DLGAP2: variants seen among roughly 807,000 people sequenced by gnomAD.
DLGAP2 encodes DLG associated protein 2, also known as disks large-associated protein 2.
Under a neutral mutation model 100.3 loss-of-function variants are expected in DLGAP2, and 26 were observed. The ratio of observed to expected loss-of-function variants is 0.26; its 90% CI spans 0.19 to 0.36. DLGAP2 has a LOEUF of 0.36. DLGAP2 is among the 10% of genes least tolerant of loss of function. DLGAP2 has a pLI of 1.00. For missense variants in DLGAP2, 1,858 were observed against 1,453.2 expected (o/e 1.28, Z -4.53); for synonymous variants, 886 against 630.1 (o/e 1.41, Z -6.08).
At chr8:1,502,972 A>G (rs1799775362) in intron 4 of DLGAP2, among the ~76,000 whole-genome samples, 1 of 152,148 alleles carries the variant, frequency 6.6e-6, no homozygotes, top group Non-Finnish European at 1.5e-5. Flanking sequence ...ACAAGAGTGC[A>G]GGAGTCACTC....
intron 3 of DLGAP2, among the ~76,000 whole-genome samples, chr8:1,391,883 G>A (rs537498551): frequency 1.3e-5 from 2 of 152,350 alleles, no homozygotes; most frequent in South Asian, 2.1e-4. Context: ...CCTCCTGAAC[G>A]CTTGTGCGTC....
chr8:766,401 T>C (rs982134058), intron 1 of DLGAP2, among the ~76,000 whole-genome samples: 2 of 152,202 alleles, frequency 1.3e-5, no homozygotes, highest in Non-Finnish European at 2.9e-5. Flanking sequence ...CCTTCCTCTA[T>C]GTGAGCTGCA....
intron 8 of DLGAP2, among the ~76,000 whole-genome samples, chr8:1,666,453 A>G (rs1798546165): frequency 6.6e-6 from 1 of 152,174 alleles, no homozygotes; most frequent in South Asian, 2.1e-4. Flanking sequence ...TGGGTGGATC[A>G]TCTGAGGTCC....
intron 3 of DLGAP2, among the ~76,000 whole-genome samples, chr8:1,420,354 A>G (rs1339971689): frequency 6.6e-6 from 1 of 152,180 alleles, no homozygotes; most frequent in Non-Finnish European, 1.5e-5. Flanking sequence ...CTATCACAAC[A>G]GTGTTCAGAT....
chr8:1,161,926 G>A (rs1442398712), intron 2 of DLGAP2, among the ~76,000 whole-genome samples: 1 of 152,242 alleles, frequency 6.6e-6, no homozygotes, highest in Non-Finnish European at 1.5e-5. Context: ...TAGGTATAGA[G>A]AGGAGATCCG....
intron 3 of DLGAP2, among the ~76,000 whole-genome samples, chr8:1,409,135 G>A (rs552177500): frequency 5.0e-4 from 44 of 87,530 alleles, no homozygotes; most frequent in African/African-American, 1.8e-3. Flanking sequence ...GCAGGCGCCC[G>A]GCTCCCCTTG....
chr8:1,631,978 C>T (rs1368194322), intron 7 of DLGAP2, among the ~76,000 whole-genome samples: 1 of 152,100 alleles, frequency 6.6e-6, no homozygotes, highest in African/African-American at 2.4e-5. Flanking sequence ...TATCTGCCAA[C>T]ATAATCCAGG....
intron 1 of DLGAP2, among the ~76,000 whole-genome samples, chr8:839,655 G>A (rs1796945118): frequency 6.6e-6 from 1 of 152,162 alleles, no homozygotes; most frequent in South Asian, 2.1e-4. Context: ...ACAGGATGGT[G>A]CCACCTGTCC....
chr8:1,241,350 C>T (rs1419329006), intron 2 of DLGAP2, among the ~76,000 whole-genome samples: 5 of 142,122 alleles, frequency 3.5e-5, no homozygotes, highest in Non-Finnish European at 7.5e-5. Context: ...TCTCACATGG[C>T]GCCGTGTCTA....
At chr8:1,616,184 C>G (rs1341921178) in intron 6 of DLGAP2, among the ~76,000 whole-genome samples, 2 of 151,692 alleles carry the variant, frequency 1.3e-5, no homozygotes, top group Non-Finnish European at 2.9e-5. Flanking sequence ...GAAAATGAAA[C>G]AGTAGATATT....
chr8:866,585 C>T (rs1026145895), intron 1 of DLGAP2, among the ~76,000 whole-genome samples: 1 of 152,058 alleles, frequency 6.6e-6, no homozygotes, highest in Non-Finnish European at 1.5e-5. Context: ...TGCTGGGGGT[C>T]GTGTCTCTGT....
At chr8:770,906 G>A (rs1821338909) in intron 1 of DLGAP2, among the ~76,000 whole-genome samples, 1 of 151,412 alleles carries the variant, frequency 6.6e-6, no homozygotes, top group Non-Finnish European at 1.5e-5. Flanking sequence ...GACTCTTAGG[G>A]ATGGAAAAAA....
chr8:875,250 A>G (rs1057326177), intron 1 of DLGAP2, among the ~76,000 whole-genome samples: 1 of 152,124 alleles, frequency 6.6e-6, no homozygotes, highest in Non-Finnish European at 1.5e-5. Flanking sequence ...ATTTAATATT[A>G]TCATTGATAT....
At chr8:1,085,501 T>G (rs1193176201) in intron 2 of DLGAP2, among the ~76,000 whole-genome samples, 3 of 152,250 alleles carry the variant, frequency 2.0e-5, no homozygotes, top group Non-Finnish European at 2.9e-5. Context: ...TTCTGATGTG[T>G]AAATCTTTGA....
chr8:1,116,225 G>A (rs777815615), intron 2 of DLGAP2, among the ~76,000 whole-genome samples: 3 of 152,174 alleles, frequency 2.0e-5, no homozygotes, highest in Admixed American at 6.5e-5. Context: ...GGCCCTCCCC[G>A]TTCATCTGGG....
intron 4 of DLGAP2, among the ~76,000 whole-genome samples, chr8:1,529,029 C>T (rs1367928085): frequency 6.6e-6 from 1 of 152,120 alleles, no homozygotes. Context: ...AAAAATCCTT[C>T]TGTATTAGTC....
At chr8:821,009 T>C (rs375443214) in intron 1 of DLGAP2, among the ~76,000 whole-genome samples, 5 of 152,202 alleles carry the variant, frequency 3.3e-5, no homozygotes, top group African/African-American at 9.6e-5. Flanking sequence ...CAATTTAGAC[T>C]GACAGTCACA....
intron 2 of DLGAP2, among the ~76,000 whole-genome samples, chr8:1,069,100 C>T (rs2129036905): frequency 6.6e-6 from 1 of 152,344 alleles, no homozygotes; most frequent in African/African-American, 2.4e-5. Flanking sequence ...ACATTTATTG[C>T]AGCTGACGCG....
At chr8:1,169,462 T>C (rs1306896419) in intron 2 of DLGAP2, among the ~76,000 whole-genome samples, 1 of 152,154 alleles carries the variant, frequency 6.6e-6, no homozygotes, top group Non-Finnish European at 1.5e-5. Context: ...AATCTATCAA[T>C]TACCCTGGGC....
Sources: gnomAD v4.1 joint callset for allele counts (sites outside exome capture counted in the v4.1 genomes callset) on GRCh38, gnomAD v4.1.1 for gene constraint, MANE v1.5 for transcripts, NCBI Gene and HGNC (gene_info 2026-07-23, HGNC 2026-07-21) for gene names.